The following RELN variants were observed in gnomAD, a reference collection of about 807,000 sequenced individuals.
RELN encodes the protein reelin.
In RELN, 108 loss-of-function variants were observed where a neutral mutation model predicts 427.6. The observed-to-expected ratio is 0.25, with a 90% CI of 0.22 to 0.30. The LOEUF is 0.30. RELN is among the 10% of genes least tolerant of loss of function. RELN has a pLI of 1.00. For synonymous variants in RELN, 1,524 were observed against 1,513.4 expected, an observed-to-expected ratio of 1.01 and a Z score of -0.16; for missense variants, 3,715 against 4,302.8, an observed-to-expected ratio of 0.86 and a Z score of 3.82.
At chr7:103,574,964 G>C (rs1830964613) in intron 29 of RELN, among the ~76,000 whole-genome samples, 1 of 152,150 alleles carries the variant, frequency 6.6e-6, no homozygotes, top group South Asian at 2.1e-4. Flanking sequence ...TGGCAGACTT[G>C]GGTTTATCCT....
chr7:103,673,461 G>A (rs28569981), intron 11 of RELN, among the ~76,000 whole-genome samples: 3,075 of 151,980 alleles, frequency 0.02, 117 homozygotes, highest in African/African-American at 0.07. Flanking sequence ...AATCTTCTGC[G>A]TTTTAATTCC....
intron 8 of RELN, among the ~76,000 whole-genome samples, chr7:103,714,151 A>C (rs1789878590): frequency 6.6e-6 from 1 of 152,024 alleles, no homozygotes; most frequent in Non-Finnish European, 1.5e-5. Context: ...TAGTACAAAA[A>C]CCTATGCTAT....
At chr7:103,861,340 T>C (rs1400757113) in intron 2 of RELN, among the ~76,000 whole-genome samples, 1 of 152,148 alleles carries the variant, frequency 6.6e-6, no homozygotes, top group Non-Finnish European at 1.5e-5. Context: ...TACTACAAAT[T>C]ATTGCATTAT....
intron 3 of RELN, among the ~76,000 whole-genome samples, chr7:103,810,697 T>C (rs1792720764): frequency 6.6e-6 from 1 of 152,172 alleles, no homozygotes; most frequent in Non-Finnish European, 1.5e-5. Context: ...TTGCCTCTTC[T>C]GAATGGATTA....
intron 11 of RELN, among the ~76,000 whole-genome samples, chr7:103,669,015 A>C (rs3808022): frequency 0.036 from 5,418 of 152,220 alleles, 153 homozygotes; most frequent in East Asian, 0.14. Context: ...GTAAATGAAA[A>C]ACTTTTCTAG....
intron 8 of RELN, among the ~76,000 whole-genome samples, chr7:103,707,649 C>T (rs1834234762): frequency 6.6e-6 from 1 of 152,072 alleles, no homozygotes; most frequent in Non-Finnish European, 1.5e-5. Context: ...CAGGTGTGTG[C>T]TACCACATCC....
chr7:103,723,700 G>A (rs1439624785), intron 7 of RELN, among the ~76,000 whole-genome samples: 1 of 152,162 alleles, frequency 6.6e-6, no homozygotes, highest in Non-Finnish European at 1.5e-5. Context: ...GGAGGGGTGT[G>A]ATGAAATGGT....
chr7:103,522,119 C>A lies in RELN; in HGVS notation c.7571G>T (p.Arg2524Leu). The A allele has an allele frequency of 6.2e-7, 1 of 1,613,944 alleles. No homozygotes were observed. The highest frequency in any genetic ancestry group is 8.5e-7 in the Non-Finnish European group (1 of 1,179,990). The change falls in exon 48 of 65, where the codon CGA (arginine) becomes CTA (leucine). Residue 2524 changes from arginine (R) to leucine (L), a missense_variant. This residue lies in a region of RELN where 1,310 missense variants were observed against 1,643.0 expected (regional missense o/e 0.80). Coordinates refer to ENST00000428762, the MANE Select transcript of RELN (RefSeq NM_005045.4). ...LPTQLKDNFN[R>L]APSSQNWLTV... ...CAGCCAGTTCTGACTGGATGGAGCTCGATTGAAGTTGTCTTTGAGTTGGGT... is the reference window on the plus strand; with the variant it reads ...CAGCCAGTTCTGACTGGATGGAGCTAGATTGAAGTTGTCTTTGAGTTGGGT...
chr7:103,908,872 A>AC (rs111941109), intron 2 of RELN, among the ~76,000 whole-genome samples: 36,162 of 152,038 alleles, frequency 0.24, 5,039 homozygotes, highest in African/African-American at 0.38. Context: ...TGCTCTTTGT[A>AC]CATTGGCTGG....
intron 31 of RELN, 110 bp from the exon 32 acceptor site, chr7:103,566,869 G>A (rs940078825): frequency 9.6e-6 from 10 of 1,043,188 alleles, no homozygotes; most frequent in East Asian, 7.3e-5. Flanking sequence ...CTCCTAGAAC[G>A]AGGGCACATT....
chr7:103,586,612 A>G (rs1017303093), intron 28 of RELN, among the ~76,000 whole-genome samples: 1 of 152,192 alleles, frequency 6.6e-6, no homozygotes, highest in African/African-American at 2.4e-5. Flanking sequence ...TTCACTGATG[A>G]CATGATCTTA....
chr7:103,794,787 A>T (rs1227484399), intron 3 of RELN, among the ~76,000 whole-genome samples: 1 of 152,148 alleles, frequency 6.6e-6, no homozygotes, highest in African/African-American at 2.4e-5. Context: ...CAGCACCTGT[A>T]GCACCACTAG....
intron 16 of RELN, among the ~76,000 whole-genome samples, chr7:103,647,856 T>C (rs527659160): frequency 5.9e-5 from 9 of 152,000 alleles, no homozygotes; most frequent in Non-Finnish European, 1.2e-4. Flanking sequence ...AAAATAGACA[T>C]ATACATCAAT....
At chr7:103,479,408 T>G (rs1828150014) in intron 63 of RELN, among the ~76,000 whole-genome samples, 1 of 152,214 alleles carries the variant, frequency 6.6e-6, no homozygotes, top group Non-Finnish European at 1.5e-5. Context: ...GCCACATCAT[T>G]CAGACTTTAT....
intron 6 of RELN, among the ~76,000 whole-genome samples, chr7:103,739,684 C>A (rs554350): frequency 6.6e-6 from 1 of 151,976 alleles, no homozygotes; most frequent in African/African-American, 2.4e-5. Context: ...CTTCAAACTT[C>A]ACTTCTCATC....
chr7:103,645,997 A>T (rs968054770), intron 16 of RELN, among the ~76,000 whole-genome samples: 31 of 151,894 alleles, frequency 2.0e-4, no homozygotes, highest in African/African-American at 7.5e-4. Flanking sequence ...AATTACACAA[A>T]TACATGAAAA....
chr7:103,894,594 CA>C (rs995039419), intron 2 of RELN, among the ~76,000 whole-genome samples: 8 of 150,260 alleles, frequency 5.3e-5, no homozygotes, highest in African/African-American at 1.5e-4. Flanking sequence ...CCTGCATTAA[CA>C]AAAAAAAAGA....
chr7:103,962,030 A>G (rs546769869), intron 1 of RELN, among the ~76,000 whole-genome samples: 1 of 152,294 alleles, frequency 6.6e-6, no homozygotes, highest in Non-Finnish European at 1.5e-5. Flanking sequence ...TCTTTCTGAA[A>G]GACTGTATTT....
In RELN at chr7:103,661,537, A is replaced by AG. The variant is rs1235667101; in HGVS notation, c.1290-11_1290-10insC. 2 of 1,613,050 alleles carry AG rather than the reference A, an allele frequency of 1.2e-6. No homozygotes were observed. On this transcript the variant is annotated splice_polypyrimidine_tract_variant and intron_variant, in intron 11 of 64. Coordinates refer to ENST00000428762, the MANE Select transcript of RELN (RefSeq NM_005045.4). The stretch of plus-strand genomic sequence containing the variant: ...TCCCAAGACATCCCATCTAAAAAAA[A>AG]AGGGGGATTAAGAGTTAGAGTTAGA...
Sources: gnomAD v4.1 joint callset for allele counts (sites outside exome capture counted in the v4.1 genomes callset) on GRCh38, gnomAD v4.1.1 for gene constraint, gnomAD v4.1.1 regional missense constraint, MANE v1.5 for transcripts, NCBI Gene and HGNC (gene_info 2026-07-23, HGNC 2026-07-21) for gene names.